The following MEGF11 variants were observed in gnomAD, a reference collection of about 807,000 sequenced individuals.
The protein encoded by MEGF11 is multiple EGF like domains 11.
MEGF11 carries 126 observed loss-of-function variants against 146.6 expected under a neutral mutation model. The observed-to-expected ratio is 0.86, with a 90% CI of 0.74 to 1.00. The LOEUF (loss-of-function observed/expected upper bound fraction) is 1.00, where lower values mean the gene tolerates loss of function less well. Ranked by LOEUF, MEGF11 falls within the 50% of genes least tolerant of loss-of-function variation. The pLI is 0.00. For synonymous variants in MEGF11, 532 were observed against 583.4 expected, an observed-to-expected ratio of 0.91 and a Z score of 1.27; for missense variants, 1,509 against 1,521.2, an observed-to-expected ratio of 0.99 and a Z score of 0.13.
intron 23 of MEGF11, among the ~76,000 whole-genome samples, chr15:65,908,740 T>C (rs1272764791): frequency 6.6e-6 from 1 of 152,068 alleles, no homozygotes; most frequent in Non-Finnish European, 1.5e-5. Context: ...AGGTGTAGGA[T>C]TGTATTTTGT....
chr15:65,981,386 G>A (rs748431049), intron 6 of MEGF11, among the ~76,000 whole-genome samples: 25 of 152,204 alleles, frequency 1.6e-4, no homozygotes, highest in Non-Finnish European at 3.1e-4. Flanking sequence ...CAGCTCCCAT[G>A]ACAGGCTCAT....
intron 1 of MEGF11, among the ~76,000 whole-genome samples, chr15:66,227,909 G>A (rs1019340696): frequency 2.0e-5 from 3 of 152,074 alleles, no homozygotes; most frequent in Non-Finnish European, 2.9e-5. Context: ...CAGCCTTCCC[G>A]TCAGACTCCA....
At chr15:65,957,049 A>G (rs559742507) in intron 10 of MEGF11, among the ~76,000 whole-genome samples, 2 of 152,244 alleles carry the variant, frequency 1.3e-5, no homozygotes, top group Non-Finnish European at 2.9e-5. Context: ...TGCTATTTGT[A>G]TGAAGATGCT....
chr15:65,957,441 C>G (rs962480414), intron 10 of MEGF11, 106 bp downstream of exon 10: 4 of 1,117,886 alleles, frequency 3.6e-6, no homozygotes, highest in Admixed American at 5.0e-5. Context: ...GAGGCGGACA[C>G]AAGGAGGCAG....
At chr15:65,919,538 C>CAA (rs370611354) in intron 15 of MEGF11, among the ~76,000 whole-genome samples, 7 of 147,498 alleles carry the variant, frequency 4.7e-5, no homozygotes, top group African/African-American at 9.9e-5. Context: ...CACTTTATTG[C>CAA]AAAAAAAAAA....
chr15:66,000,822 C>T (rs537888128), intron 5 of MEGF11, among the ~76,000 whole-genome samples: 2 of 152,174 alleles, frequency 1.3e-5, no homozygotes, highest in African/African-American at 2.4e-5. Context: ...AGTGGAGAAG[C>T]GAAAGGCCCC....
intron 1 of MEGF11, among the ~76,000 whole-genome samples, chr15:66,223,972 C>G (rs2140172560): frequency 6.6e-6 from 1 of 152,276 alleles, no homozygotes; most frequent in South Asian, 2.1e-4. Context: ...AGAGGTCAGC[C>G]CCCTGCTTGG....
intron 5 of MEGF11, among the ~76,000 whole-genome samples, chr15:66,045,794 C>A (rs896660630): frequency 2.0e-5 from 3 of 152,102 alleles, no homozygotes; most frequent in Admixed American, 6.5e-5. Flanking sequence ...TCCCTACAAC[C>A]CTGTGCAATA....
At chr15:66,121,003 G>A (rs931925540) in intron 3 of MEGF11, among the ~76,000 whole-genome samples, 13 of 152,208 alleles carry the variant, frequency 8.5e-5, no homozygotes, top group Non-Finnish European at 1.5e-4. Flanking sequence ...GAAGGATGCT[G>A]GGTTAAAACA....
chr15:66,170,422 CAG>C (rs1234269341), intron 1 of MEGF11, among the ~76,000 whole-genome samples: 2 of 152,204 alleles, frequency 1.3e-5, no homozygotes, highest in Non-Finnish European at 2.9e-5. Context: ...ATGAAGACAG[CAG>C]AGTCTCTTAC....
chr15:66,191,063 G>A (rs370667075), intron 1 of MEGF11, among the ~76,000 whole-genome samples: 2 of 152,158 alleles, frequency 1.3e-5, no homozygotes, highest in Non-Finnish European at 2.9e-5. Context: ...AGGGATGGAA[G>A]AAAAGCAAGT....
intron 1 of MEGF11, among the ~76,000 whole-genome samples, chr15:66,167,772 G>A (rs906295722): frequency 6.6e-6 from 1 of 152,220 alleles, no homozygotes; most frequent in Non-Finnish European, 1.5e-5. Flanking sequence ...TCCATCTACA[G>A]CCCTAACTTC....
intron 10 of MEGF11, among the ~76,000 whole-genome samples, chr15:65,944,930 A>C: frequency 1.5e-5 from 2 of 136,422 alleles, no homozygotes; most frequent in African/African-American, 2.8e-5. Flanking sequence ...ATGGAGTCTC[A>C]CTCTGTCACC....
At chr15:65,898,646 G>A in intron 25 of MEGF11, 82 bp downstream of exon 25, 2 of 1,580,858 alleles carry the variant, frequency 1.3e-6, no homozygotes, top group South Asian at 1.2e-5. Flanking sequence ...GTCAAGGTGG[G>A]GTGAGTGGAG....
chr15:66,050,029 G>A (rs1307623614), intron 5 of MEGF11, among the ~76,000 whole-genome samples: 2 of 152,178 alleles, frequency 1.3e-5, no homozygotes, highest in Non-Finnish European at 2.9e-5. Flanking sequence ...TCTAGTCTCT[G>A]CTCTCATGGA....
At chr15:66,244,907 T>C (rs1399013) in intron 1 of MEGF11, among the ~76,000 whole-genome samples, 56,160 of 152,042 alleles carry the variant, frequency 0.37, 11,448 homozygotes, top group African/African-American at 0.54. Flanking sequence ...CCACCCCCAC[T>C]GCCTTGGGTC....
intron 5 of MEGF11, among the ~76,000 whole-genome samples, chr15:66,057,847 G>A (rs1473247677): frequency 5.9e-5 from 9 of 152,266 alleles, no homozygotes; most frequent in South Asian, 2.1e-4. Context: ...ATACCTGAAC[G>A]AAAACCCCCT....
chr15:66,042,387 G>A (rs546593682), intron 5 of MEGF11, among the ~76,000 whole-genome samples: 2 of 152,238 alleles, frequency 1.3e-5, no homozygotes, highest in Admixed American at 1.3e-4. Context: ...TGGGATTACA[G>A]GCATGAGCCA....
chr15:66,135,637 C>T (rs1245200631), intron 1 of MEGF11, among the ~76,000 whole-genome samples: 7 of 152,168 alleles, frequency 4.6e-5, no homozygotes. Context: ...AGGAGATCCC[C>T]TGTGTGTTGA....
Sources: allele counts gnomAD v4.1 joint callset (sites outside exome capture counted in the v4.1 genomes callset), GRCh38; gene constraint gnomAD v4.1.1; transcripts MANE v1.5; gene names NCBI Gene and HGNC (gene_info 2026-07-23, HGNC 2026-07-21).